Variants in MBNL3 observed in about 807,000 individuals in gnomAD.
MBNL3 encodes the protein muscleblind like splicing regulator 3.
A neutral mutation model predicts 24.5 loss-of-function variants in MBNL3; 6 were observed. The observed-to-expected ratio is 0.25, with a 90% CI of 0.13 to 0.48. MBNL3 has a LOEUF of 0.48. Among genes scored for constraint, MBNL3 ranks in the 20% least tolerant of loss-of-function variants. The pLI, the probability that MBNL3 is intolerant of heterozygous loss-of-function variation, is 0.99. For synonymous variants in MBNL3, 100 were observed against 101.7 expected (o/e 0.98, Z 0.10); for missense variants, 230 against 293.5 (o/e 0.78, Z 1.58).
chrX:132,382,827 T>C (rs1305447442), intron 7 of MBNL3, among the ~76,000 whole-genome samples: 2 of 111,615 alleles, frequency 1.8e-5, no homozygotes, highest in Non-Finnish European at 3.8e-5. Flanking sequence ...GGTAGACTGG[T>C]TGGTATGTGG....
chrX:132,438,834 G>T (rs1945253874), intron 2 of MBNL3, among the ~76,000 whole-genome samples: 1 of 106,468 alleles, frequency 9.4e-6, no homozygotes, highest in Non-Finnish European at 1.9e-5. Context: ...TCAATCATCT[G>T]TCCAGGAGGA....
chrX:132,446,932 G>A (rs1421724878), intron 1 of MBNL3, among the ~76,000 whole-genome samples: 1 of 111,704 alleles, frequency 9.0e-6, no homozygotes, highest in Non-Finnish European at 1.9e-5. Flanking sequence ...TGTATAAGGT[G>A]TAAGGAAGGG....
At position 132,388,105 on chromosome X, in the gene MBNL3, A is replaced by G. The variant is rs554336134; in HGVS notation, c.772-1294T>C. 3.7e-4 allele frequency among the ~76,000 whole-genome samples: 41 copies of G among 111,982 alleles called. No homozygotes were observed. In the South Asian group the frequency reaches 0.014, roughly 39 times the overall value. ...ACCATGTGTCCAAAAGGGTAATGCC[A>G]TGACCTCGTTCCTGTGGATAACAAA... On this transcript the variant is annotated intron_variant, in intron 5 of 8. Transcript: ENST00000370853.
At chrX:132,387,527 C>G (rs1936318067) in intron 5 of MBNL3, among the ~76,000 whole-genome samples, 1 of 110,537 alleles carries the variant, frequency 9.0e-6, no homozygotes, top group African/African-American at 3.3e-5. Context: ...TGTTAAAACT[C>G]CAATACAGAT....
chrX:132,489,855 A>G (rs910059768), upstream of MBNL3: 6 of 110,842 alleles, frequency 5.4e-5, no homozygotes, highest in African/African-American at 1.6e-4. Flanking sequence ...GAATGCGGCC[A>G]AGGGCCGCCC....
intron 2 of MBNL3, among the ~76,000 whole-genome samples, chrX:132,434,306 C>A (rs1320827311): frequency 8.9e-6 from 1 of 112,314 alleles, no homozygotes; most frequent in Non-Finnish European, 1.9e-5. Context: ...TCCATTTTCC[C>A]TTGCTCTCTT....
At chrX:132,382,395 T>C (rs5933151) in intron 7 of MBNL3, 123 bp from the exon 8 acceptor site, 148,079 of 478,658 alleles carry the variant, frequency 0.31, 20,923 homozygotes, top group African/African-American at 0.75. Context: ...ATCATAACGA[T>C]GAATACATCA....
intron 1 of MBNL3, among the ~76,000 whole-genome samples, chrX:132,485,275 T>C: frequency 8.9e-6 from 1 of 111,823 alleles, no homozygotes. Flanking sequence ...CGTGTGTGTT[T>C]GTGTGCCCAG....
At chrX:132,386,225 T>C (rs1355114791) in intron 6 of MBNL3, among the ~76,000 whole-genome samples, 1 of 112,289 alleles carries the variant, frequency 8.9e-6, no homozygotes, top group African/African-American at 3.2e-5. Flanking sequence ...TACTATATTA[T>C]GCACTTAGGG....
intron 3 of MBNL3, among the ~76,000 whole-genome samples, chrX:132,395,494 T>G (rs768952213): frequency 3.7e-4 from 41 of 111,915 alleles, no homozygotes; most frequent in Non-Finnish European, 6.8e-4. Context: ...AAGAGACGGC[T>G]GTCCCTCCCA....
intron 3 of MBNL3, among the ~76,000 whole-genome samples, chrX:132,397,684 G>C (rs1033220146): frequency 3.6e-5 from 4 of 111,394 alleles, no homozygotes; most frequent in African/African-American, 6.5e-5. Flanking sequence ...ATAAAAGGAA[G>C]GCTCTTTTTA....
At chrX:132,452,026 G>A (rs1946142444) in intron 1 of MBNL3, among the ~76,000 whole-genome samples, 1 of 111,025 alleles carries the variant, frequency 9.0e-6, no homozygotes, top group South Asian at 4.0e-4. Flanking sequence ...CCAGTGAGAT[G>A]AGCTGGGTAC....
At position 132,370,161 on chromosome X, in the gene MBNL3, C is replaced by T. The variant is rs1212781163; in HGVS notation, c.*9505G>A. On this transcript the variant is annotated 3_prime_UTR_variant, in exon 9 of 9. Coordinates refer to ENST00000370853, the MANE Select transcript of MBNL3 (RefSeq NM_001386889.1). ...AAAGCTGGGAAGGTTTAGTTAAATG[C>T]GCATTTCTAGTACAGGAAAGAGCCA... The T allele has an allele frequency of 9.0e-6, 1 of 111,522 alleles. No individual in the cohort carries two copies. Among genetic ancestry groups the T allele is most frequent in the Non-Finnish European group, 1.9e-5 (1 of 53,133 alleles). The allele number at this position is 111,522 out of a possible 1,213,427, so 9.2% of individuals were successfully genotyped here. A position where few individuals can be genotyped will look rare whatever the true frequency, so the allele number is the denominator to read the frequency against.
At chrX:132,408,604 T>C (rs1275271172) in intron 2 of MBNL3, among the ~76,000 whole-genome samples, 1 of 111,989 alleles carries the variant, frequency 8.9e-6, no homozygotes, top group East Asian at 2.8e-4. Context: ...ATTTGGCACA[T>C]TTCCTGCCAA....
chrX:132,376,664 G>A lies in MBNL3; in HGVS notation c.*3002C>T, dbSNP rs1214882383. 1.8e-5 allele frequency: 2 copies of A among 111,562 alleles called. No homozygotes were observed. The highest frequency in any genetic ancestry group is 6.5e-5 in the African/African-American group (2 of 30,799). 9.2% of individuals were successfully genotyped at this position (111,562 alleles called of 1,213,427 possible). A position where few individuals can be genotyped will look rare whatever the true frequency, so the allele number is the denominator to read the frequency against. ...TTCATCCAGTAAATTTTTGTTTAGA[G>A]TCACTGATTAGTTTTGTGACTTGTC... On this transcript the variant is annotated 3_prime_UTR_variant, in exon 9 of 9. Transcript: ENST00000370853.
In MBNL3 at chrX:132,483,585, T is replaced by C. The variant is rs1476135432; in HGVS notation, c.-704+5266A>G. ...GTGAAATGTAAGCTCTCTGGTTCTT[T>C]CACTCTTTCATTTTGCTAATAGACT... is the stretch of plus-strand genomic sequence containing the variant. On this transcript the variant is annotated intron_variant, in intron 1 of 8. Coordinates refer to ENST00000370853, the MANE Select transcript of MBNL3 (RefSeq NM_001386889.1). 5.4e-5 allele frequency among the ~76,000 whole-genome samples: 6 copies of C among 111,592 alleles called. No homozygotes were observed. The Admixed American group carries it at 5.7e-4, about 11-fold the overall frequency.
At chrX:132,466,373 C>G (rs1946885702) in intron 1 of MBNL3, among the ~76,000 whole-genome samples, 1 of 112,093 alleles carries the variant, frequency 8.9e-6, no homozygotes, top group South Asian at 3.7e-4. Context: ...TCACTGGCAG[C>G]TATTTATTGG....
chrX:132,472,998 A>C (rs1482788149), intron 1 of MBNL3, among the ~76,000 whole-genome samples: 1 of 111,763 alleles, frequency 8.9e-6, no homozygotes, highest in Non-Finnish European at 1.9e-5. Context: ...AGGGGATATC[A>C]CACTAAATTA....
At chrX:132,392,401 T>C (rs866538140) in intron 3 of MBNL3, 67 bp from the exon 4 acceptor site, 30 of 884,221 alleles carry the variant, frequency 3.4e-5, no homozygotes, top group Middle Eastern at 6.6e-4. Context: ...CACAAAGAGG[T>C]ATTCTTTCAG....
Sources: allele counts gnomAD v4.1 joint callset (sites outside exome capture counted in the v4.1 genomes callset), GRCh38; gene constraint gnomAD v4.1.1; transcripts MANE v1.5; gene names NCBI Gene and HGNC (gene_info 2026-07-23, HGNC 2026-07-21).